The following SLCO3A1 variants were observed in gnomAD, a reference collection of about 807,000 sequenced individuals.
SLCO3A1 encodes PGE1 transporter.
A neutral mutation model predicts 63.1 loss-of-function variants in SLCO3A1; 27 were observed. That is an observed-to-expected ratio of 0.43 (90% CI 0.32 to 0.59). The LOEUF is 0.59. SLCO3A1 is among the 20% of genes least tolerant of loss of function. The pLI is 0.09. For missense variants in SLCO3A1, 773 were observed against 945.8 expected (o/e 0.82, Z 2.40); for synonymous variants, 473 against 409.9 (o/e 1.15, Z -1.86).
chr15:92,060,551 G>A (rs1464108154), intron 2 of SLCO3A1, among the ~76,000 whole-genome samples: 1 of 151,864 alleles, frequency 6.6e-6, no homozygotes, highest in East Asian at 2.0e-4. Flanking sequence ...CCAGGCTGGA[G>A]TGCAGTGGCG....
chr15:92,061,737 A>C (rs2047088260), intron 2 of SLCO3A1, among the ~76,000 whole-genome samples: 2 of 152,174 alleles, frequency 1.3e-5, no homozygotes, highest in African/African-American at 4.8e-5. Flanking sequence ...CATGCTAGCA[A>C]AACAGGCCAG....
At chr15:91,911,410 C>T (rs1012637597) in intron 1 of SLCO3A1, among the ~76,000 whole-genome samples, 2 of 152,060 alleles carry the variant, frequency 1.3e-5, no homozygotes, top group African/African-American at 4.8e-5. Context: ...CTAGACCCCA[C>T]CCCAGACCTG....
chr15:91,916,263 G>A lies in SLCO3A1; in HGVS notation c.451G>A (p.Ala151Thr). The A allele has an allele frequency of 1.3e-6, 2 of 1,567,102 alleles. No individual in the cohort carries two copies. The highest frequency in any genetic ancestry group is 1.7e-6 in the Non-Finnish European group (2 of 1,156,240). ...GGGCGCCGAGGGCCGCGACGTCTGC[G>A]CAGCCAACGGCTCGGGCGGCGACGA... ...RWGAEGRDVCAANGSGGDEGP... is the reference protein window; with the variant it reads ...RWGAEGRDVCTANGSGGDEGP... Residue 151 changes from alanine (A) to threonine (T), a missense_variant, in exon 2 of 10, where the codon GCA becomes ACA. Transcript: ENST00000318445. This position sits in a 1 kb window ranked among gnomAD's most constrained non-coding sequence, Gnocchi z 6.2.
At chr15:91,957,342 A>C (rs1025047483) in intron 2 of SLCO3A1, among the ~76,000 whole-genome samples, 15 of 149,432 alleles carry the variant, frequency 1.0e-4, no homozygotes, top group African/African-American at 3.7e-4. Context: ...GTGGTCTCAA[A>C]AGTACAGGGC....
intron 2 of SLCO3A1, among the ~76,000 whole-genome samples, chr15:91,957,160 T>TA (rs1491136521): frequency 0.042 from 481 of 11,486 alleles, 94 homozygotes; most frequent in Non-Finnish European, 0.05. Context: ...TATATATATA[T>TA]TTTTTTTTTT....
chr15:91,949,665 G>A (rs72754010), intron 2 of SLCO3A1, among the ~76,000 whole-genome samples: 8,759 of 152,012 alleles, frequency 0.058, 367 homozygotes, highest in Non-Finnish European at 0.087. Flanking sequence ...AATTGCCAGC[G>A]TGGTTCTGGG....
chr15:91,916,253 C>A lies in SLCO3A1; in HGVS notation c.441C>A (p.Arg147=). The A allele has an allele frequency of 6.4e-7, 1 of 1,566,272 alleles. No homozygotes were observed. Among genetic ancestry groups the A allele is most frequent in the Non-Finnish European group, 8.6e-7 (1 of 1,156,102 alleles). Residue 147 remains arginine, a synonymous_variant, in exon 2 of 10, where the codon CGC becomes CGA. Coordinates refer to ENST00000318445, the MANE Select transcript of SLCO3A1 (RefSeq NM_013272.4). This position sits in a 1 kb window ranked among gnomAD's most constrained non-coding sequence, Gnocchi z 6.2. The stretch of plus-strand genomic sequence containing the variant: ...AGATCCGCTGGGGCGCCGAGGGCCG[C>A]GACGTCTGCGCAGCCAACGGCTCGG... ...AGEIRWGAEG[R]DVCAANGSGG...
chr15:92,160,111 A>G (rs1389840092), intron 9 of SLCO3A1, among the ~76,000 whole-genome samples: 3 of 152,046 alleles, frequency 2.0e-5, no homozygotes, highest in African/African-American at 7.2e-5. Flanking sequence ...AACAAAGTGA[A>G]ATGACCTCAA....
Position 91,941,494 on chromosome 15 carries a change from T to C in SLCO3A1, c.646+25036T>C, listed in dbSNP as rs956535705. 7 of 454,980 alleles carry C rather than the reference T, an allele frequency of 1.5e-5. No homozygotes were observed. In the Admixed American group the frequency reaches 1.7e-4, roughly 11 times the overall value. 28.2% of individuals were successfully genotyped at this position (454,980 alleles called of 1,614,324 possible). On this transcript the variant is annotated intron_variant, in intron 2 of 9. Coordinates refer to ENST00000318445, the MANE Select transcript of SLCO3A1 (RefSeq NM_013272.4). The surrounding 1 kb of genome is among the most constrained non-coding windows in gnomAD (Gnocchi z 4.4). ...GACAAACTTCAACTCTGAGCCTTGA[T>C]TGAGTGACCTTGGCCAAGTTACCTA...
At chr15:92,165,912 TTCTC>T, downstream of SLCO3A1, 1 of 984,698 alleles carries the variant, frequency 1.0e-6, no homozygotes, top group Non-Finnish European at 1.2e-6. Context: ...AATGCTAGAG[TTCTC>T]TCTCTTCTGC....
chr15:92,146,330 C>T (rs1261737959), intron 7 of SLCO3A1, among the ~76,000 whole-genome samples: 1 of 152,218 alleles, frequency 6.6e-6, no homozygotes, highest in Non-Finnish European at 1.5e-5. Flanking sequence ...TTTCTTCTCT[C>T]TGATCATATA....
chr15:91,989,638 G>C (rs980669247), intron 2 of SLCO3A1, among the ~76,000 whole-genome samples: 6 of 152,168 alleles, frequency 3.9e-5, no homozygotes, highest in African/African-American at 1.4e-4. Context: ...CCATTACCTC[G>C]TTGCTCTGCA....
At chr15:92,006,133 A>G (rs1030283830) in intron 2 of SLCO3A1, among the ~76,000 whole-genome samples, 13 of 152,098 alleles carry the variant, frequency 8.5e-5, no homozygotes, top group African/African-American at 2.9e-4. Flanking sequence ...GAAAGCAACA[A>G]TCAGAAAATA....
intron 9 of SLCO3A1, chr15:92,162,076 T>C (rs1193340701): frequency 6.7e-6 from 1 of 150,102 alleles, no homozygotes; most frequent in Non-Finnish European, 1.5e-5. Context: ...ATGATGATAA[T>C]AGCAGCTGTC....
chr15:91,891,716 C>A (rs776119545), intron 1 of SLCO3A1, among the ~76,000 whole-genome samples: 4 of 152,202 alleles, frequency 2.6e-5, no homozygotes, highest in Non-Finnish European at 5.9e-5. Context: ...TAAGTTAACA[C>A]GCAGCTTCAC....
chr15:92,109,623 G>A (rs757009623), intron 4 of SLCO3A1, among the ~76,000 whole-genome samples: 34 of 152,156 alleles, frequency 2.2e-4, no homozygotes, highest in African/African-American at 7.2e-4. Context: ...GTCACTGAGC[G>A]CTTCATGCTG....
At chr15:92,091,430 G>A (rs1269382440) in intron 2 of SLCO3A1, among the ~76,000 whole-genome samples, 1 of 152,216 alleles carries the variant, frequency 6.6e-6, no homozygotes, top group Admixed American at 6.5e-5. Context: ...CATTCAGGCA[G>A]AACATTCGAG....
chr15:92,089,834 C>A (rs2047450148), intron 2 of SLCO3A1, among the ~76,000 whole-genome samples: 1 of 152,126 alleles, frequency 6.6e-6, no homozygotes, highest in African/African-American at 2.4e-5. Flanking sequence ...TCTTCATCAT[C>A]TGGGTATAAG....
intron 1 of SLCO3A1, among the ~76,000 whole-genome samples, chr15:91,899,958 A>T (rs1898110249): frequency 6.6e-6 from 1 of 152,218 alleles, no homozygotes; most frequent in African/African-American, 2.4e-5. Flanking sequence ...TTTCATTGCC[A>T]CTACTATTCA....
Sources: allele counts gnomAD v4.1 joint callset (sites outside exome capture counted in the v4.1 genomes callset), GRCh38; gene constraint gnomAD v4.1.1; non-coding constraint Gnocchi (gnomAD v3.1); transcripts MANE v1.5; gene names NCBI Gene and HGNC (gene_info 2026-07-23, HGNC 2026-07-21).